Variants in CCDC66 observed in about 807,000 individuals in gnomAD.
The protein encoded by CCDC66 is coiled-coil domain containing 66.
In CCDC66, 133 loss-of-function variants were observed where a neutral mutation model predicts 128.3. The observed-to-expected ratio is 1.04, with a 90% confidence interval of 0.90 to 1.20. The LOEUF (loss-of-function observed/expected upper bound fraction) is 1.20, where lower values mean the gene tolerates loss of function less well. CCDC66 is among the 50% of genes most tolerant of loss of function. The pLI is 0.00. For synonymous variants in CCDC66, 387 were observed against 357.0 expected, an observed-to-expected ratio of 1.08 and a Z score of -0.95; for missense variants, 1,126 against 1,075.5, an observed-to-expected ratio of 1.05 and a Z score of -0.66.
intron 6 of CCDC66, among the ~76,000 whole-genome samples, chr3:56,568,318 G>A (rs1221139124): frequency 6.6e-6 from 1 of 152,202 alleles, no homozygotes; most frequent in African/African-American, 2.4e-5. Context: ...ATCCATGAGA[G>A]ACTGGTTCAA....
intron 7 of CCDC66, among the ~76,000 whole-genome samples, chr3:56,573,237 A>T (rs2066879894): frequency 6.6e-6 from 1 of 152,208 alleles, no homozygotes. Context: ...GGTGACATTT[A>T]GGTTTTAAAA....
rs868459736 is a variant in CCDC66, at chr3:56,584,295, C to T, written c.937-8675C>T. 6.5e-4 allele frequency among the ~76,000 whole-genome samples: 92 copies of T among 141,920 alleles called. 2 individuals carry two copies. In the South Asian group the frequency reaches 0.02, roughly 31 times the overall value. The allele number at this position is 141,920 out of a possible 152,430, so 93.1% of individuals were successfully genotyped here. A position where few individuals can be genotyped will look rare whatever the true frequency, so the allele number is the denominator to read the frequency against. On this transcript the variant is annotated intron_variant, in intron 7 of 17. Transcript: ENST00000394672. ...GCGGAGGGGCTCCTCACTTCTCAGA[C>T]GGGGTGGCTGCCGGGCGGAGGGGTT...
intron 6 of CCDC66, among the ~76,000 whole-genome samples, chr3:56,567,998 T>C (rs548976250): frequency 5.3e-4 from 80 of 152,210 alleles, no homozygotes; most frequent in African/African-American, 1.9e-3. Context: ...CCAAAAGTGG[T>C]TTTATTATGT....
At chr3:56,621,367 A>G (rs2076591510) in intron 17 of CCDC66, 165 bp from the exon 18 acceptor site, 2 of 452,918 alleles carry the variant, frequency 4.4e-6, no homozygotes, top group Admixed American at 3.8e-5. Context: ...ATAGCTATAT[A>G]TCCAAATGAG....
At chr3:56,577,265 A>C (rs1456802197) in intron 7 of CCDC66, among the ~76,000 whole-genome samples, 1 of 151,070 alleles carries the variant, frequency 6.6e-6, no homozygotes, top group Non-Finnish European at 1.5e-5. Context: ...TTTTTGATGG[A>C]GTTGTTTGAT....
chr3:56,607,734 C>G (rs1389316798), intron 10 of CCDC66, among the ~76,000 whole-genome samples: 1 of 152,118 alleles, frequency 6.6e-6, no homozygotes, highest in Middle Eastern at 3.2e-3. Context: ...AGAGGGAATG[C>G]TTTCAACTTT....
At chr3:56,604,915 G>A (rs542090514) in intron 10 of CCDC66, among the ~76,000 whole-genome samples, 2 of 151,708 alleles carry the variant, frequency 1.3e-5, no homozygotes, top group Non-Finnish European at 2.9e-5. Context: ...CTAATCAAAC[G>A]TAGATTTGGT....
In CCDC66 at chr3:56,567,054, G is replaced by A. The variant is rs1473442343; in HGVS notation, c.814+1G>A. ...AAAGCCCAGTGGAGGAAAGAGCTAGGTAGGTAACTTTTATACCTTTATTAT... is the reference window on the plus strand; with the variant it reads ...AAAGCCCAGTGGAGGAAAGAGCTAGATAGGTAACTTTTATACCTTTATTAT... On this transcript the variant is annotated splice_donor_variant, in intron 6 of 17. Coordinates refer to ENST00000394672, the MANE Select transcript of CCDC66 (RefSeq NM_001141947.3). LOFTEE classifies it high-confidence loss of function. The A allele has an allele frequency of 8.7e-6, 14 of 1,608,172 alleles. No homozygotes were observed. The highest frequency in any genetic ancestry group is 1.7e-5 in the Admixed American group (1 of 59,942).
At position 56,617,140 on chromosome 3, in the gene CCDC66, T is replaced by C; in HGVS notation, c.1872T>C (p.Asn624=). 1 of 1,573,796 alleles carries C rather than the reference T, an allele frequency of 6.4e-7. No individual in the cohort carries two copies. The highest frequency in any genetic ancestry group is 8.6e-7 in the Non-Finnish European group (1 of 1,162,696). Reference sequence around the variant, plus strand: ...ACTTAAATATAGGAATATTCACCAATGCAGAATCACATTGTGGATCATTAA... The same window carrying C: ...ACTTAAATATAGGAATATTCACCAACGCAGAATCACATTGTGGATCATTAA... ...TDDLNIGIFT[N]AESHCGSLME... The change falls in exon 14 of 18, where the codon AAT becomes AAC. Residue 624 remains asparagine (N), a synonymous_variant. Coordinates refer to ENST00000394672, the MANE Select transcript of CCDC66 (RefSeq NM_001141947.3).
intron 13 of CCDC66, 28 bp downstream of exon 13, chr3:56,616,081 T>G (rs376126315): frequency 1.3e-6 from 2 of 1,558,702 alleles, no homozygotes; most frequent in Non-Finnish European, 1.7e-6. Context: ...GTGGTTTGGT[T>G]TAAAATTTAC....
chr3:56,561,211 C>T (rs2065053945), intron 3 of CCDC66: 1 of 455,388 alleles, frequency 2.2e-6, no homozygotes, highest in African/African-American at 2.0e-5. Context: ...TTATCAAGTT[C>T]CTAGATGAAA....
chr3:56,609,565 A>C (rs2074514077), intron 10 of CCDC66, among the ~76,000 whole-genome samples: 1 of 152,220 alleles, frequency 6.6e-6, no homozygotes, highest in African/African-American at 2.4e-5. Context: ...TAGGCCATTT[A>C]CATTCAATGT....
chr3:56,557,369 G>A (rs2064451400), intron 1 of CCDC66, 116 bp downstream of exon 1: 14 of 1,375,626 alleles, frequency 1.0e-5, no homozygotes, highest in Non-Finnish European at 1.2e-5. Context: ...TTCCCAACCT[G>A]CGCCGCCGAG....
At chr3:56,562,236 A>C (rs2065200473) in intron 3 of CCDC66, among the ~76,000 whole-genome samples, 1 of 151,560 alleles carries the variant, frequency 6.6e-6, no homozygotes, top group Non-Finnish European at 1.5e-5. Flanking sequence ...TTTTGTACAG[A>C]CGGGAGTCTT....
chr3:56,581,513 T>C (rs1188366604), intron 7 of CCDC66, among the ~76,000 whole-genome samples: 1 of 151,842 alleles, frequency 6.6e-6, no homozygotes, highest in Non-Finnish European at 1.5e-5. Flanking sequence ...ATTTTCAGCT[T>C]TTCTGCTCTG....
At chr3:56,613,440 G>T in intron 10 of CCDC66, 149 bp from the exon 11 acceptor site, 1 of 784,228 alleles carries the variant, frequency 1.3e-6, no homozygotes, top group South Asian at 2.0e-5. Flanking sequence ...TTCTCTGTTA[G>T]ATCTACGTGA....
chr3:56,582,446 G>C (rs1388458533), intron 7 of CCDC66, among the ~76,000 whole-genome samples: 1 of 151,838 alleles, frequency 6.6e-6, no homozygotes, highest in Non-Finnish European at 1.5e-5. Context: ...ACCTCAGTTG[G>C]AAATGCAGAA....
chr3:56,617,187 G>T lies in CCDC66; in HGVS notation c.1919G>T (p.Cys640Phe), dbSNP rs776354251. The change falls in exon 14 of 18, where the codon TGT (cysteine) becomes TTT (phenylalanine). Residue 640 changes from cysteine to phenylalanine, a missense_variant. Coordinates refer to ENST00000394672, the MANE Select transcript of CCDC66 (RefSeq NM_001141947.3). ...TTAATGGAGAGGGACATCACAAATT[G>T]TTCATCTCCTGAGATTTCGGCAGAA... ...GSLMERDITN[C>F]SSPEISAELI... 5 of 1,613,098 alleles carry T rather than the reference G, an allele frequency of 3.1e-6. No individual in the cohort carries two copies. The highest frequency in any genetic ancestry group is 2.2e-5 in the South Asian group (2 of 90,738).
At chr3:56,560,707 G>A (rs9822876) in intron 3 of CCDC66, among the ~76,000 whole-genome samples, 104,373 of 152,036 alleles carry the variant, frequency 0.69, 36,290 homozygotes, top group Admixed American at 0.75. Context: ...GGGACAGAGC[G>A]AAATTCCTTC....
Sources: allele counts gnomAD v4.1 joint callset (sites outside exome capture counted in the v4.1 genomes callset), GRCh38; gene constraint gnomAD v4.1.1; transcripts MANE v1.5; gene names NCBI Gene and HGNC (gene_info 2026-07-23, HGNC 2026-07-21).